Variants in BCO1 observed in about 807,000 individuals in gnomAD.
The protein encoded by BCO1 is beta,beta-carotene 15,15'-dioxygenase.
In BCO1, 54 loss-of-function variants were observed where a neutral mutation model predicts 56.3. The ratio of observed to expected loss-of-function variants is 0.96; its 90% CI spans 0.77 to 1.20. The LOEUF (loss-of-function observed/expected upper bound fraction) is 1.20. BCO1 is among the 50% of genes most tolerant of loss of function. BCO1 has a pLI of 0.00. For missense variants in BCO1, 801 were observed against 690.9 expected (o/e 1.16, Z -1.79); for synonymous variants, 318 against 266.1 (o/e 1.20, Z -1.90).
rs754852032 is a variant in BCO1, at chr16:81,268,107, C to G, written c.819C>G (p.Cys273Trp). The change falls in exon 6 of 11, where the codon TGC becomes TGG. Residue 273 changes from cysteine (C) to tryptophan (W), a missense_variant. Cys to Trp is a radical substitution (Grantham distance 215). Coordinates refer to ENST00000258168, the MANE Select transcript of BCO1 (RefSeq NM_017429.3). Reference protein sequence around the residue: ...AYIRRMSWASCLAFHREEKTY... With the variant: ...AYIRRMSWASWLAFHREEKTY... ...TCCGGAGAATGAGCTGGGCCTCCTG[C>G]CTGGCTTTCCACAGGGAGGAGAAGG... 1 of 1,610,250 alleles carries G rather than the reference C, an allele frequency of 6.2e-7. No homozygotes were observed. The highest frequency in any genetic ancestry group is 2.2e-5 in the East Asian group (1 of 44,878).
At chr16:81,249,160 G>A (rs1905626536) in intron 2 of BCO1, among the ~76,000 whole-genome samples, 1 of 148,052 alleles carries the variant, frequency 6.8e-6, no homozygotes, top group Non-Finnish European at 1.5e-5. Flanking sequence ...GCGCAATCTC[G>A]GCTCACTGCA....
At chr16:81,239,518 A>C (rs1425593576) in intron 1 of BCO1, among the ~76,000 whole-genome samples, 1 of 152,194 alleles carries the variant, frequency 6.6e-6, no homozygotes, top group East Asian at 1.9e-4. Flanking sequence ...AAGCATTGGA[A>C]TGCCCCAGTG....
At chr16:81,262,337 G>C in intron 4 of BCO1, 54 bp downstream of exon 4, 1 of 1,578,478 alleles carries the variant, frequency 6.3e-7, no homozygotes, top group Non-Finnish European at 8.7e-7. Flanking sequence ...AGGGAGAGTC[G>C]GCGACGGCCG....
Position 81,254,537 on chromosome 16 carries a change from A to G in BCO1, c.194-5139A>G, listed in dbSNP as rs114460718. Among the ~76,000 whole-genome samples, 1,069 of 151,418 alleles carry G rather than the reference A, an allele frequency of 7.1e-3. 22 individuals carry two copies. The highest frequency in any genetic ancestry group is 0.025 in the African/African-American group (1,024 of 41,210). ...CCTCACCTTTTTATGTGCCAGGACA[A>G]CAAGCCTGAGCCACCACGCCTCCCC... On this transcript the variant is annotated intron_variant, in intron 2 of 10. Coordinates refer to ENST00000258168, the MANE Select transcript of BCO1 (RefSeq NM_017429.3).
chr16:81,284,670 G>C (rs751846369), intron 8 of BCO1, among the ~76,000 whole-genome samples: 12 of 151,924 alleles, frequency 7.9e-5, no homozygotes, highest in Middle Eastern at 3.2e-3. Context: ...TTATTTTAGA[G>C]ATGGGGTTCT....
At chr16:81,268,708 T>C (rs1408261984) in intron 6 of BCO1, among the ~76,000 whole-genome samples, 1 of 152,224 alleles carries the variant, frequency 6.6e-6, no homozygotes, top group Non-Finnish European at 1.5e-5. Context: ...TGCATATGTG[T>C]ATGAATACAT....
chr16:81,247,018 G>A (rs1247459371), intron 2 of BCO1, among the ~76,000 whole-genome samples: 1 of 152,154 alleles, frequency 6.6e-6, no homozygotes, highest in African/African-American at 2.4e-5. Flanking sequence ...CGAATTCTGA[G>A]TTCAGGTGTC....
intron 1 of BCO1, among the ~76,000 whole-genome samples, chr16:81,242,385 G>A (rs532174964): frequency 5.3e-5 from 8 of 151,864 alleles, no homozygotes; most frequent in East Asian, 1.9e-4. Context: ...ATTTTCAGTA[G>A]TGACGGGGTT....
intron 9 of BCO1, among the ~76,000 whole-genome samples, chr16:81,286,168 C>G (rs1035497011): frequency 2.0e-5 from 3 of 152,056 alleles, no homozygotes; most frequent in Admixed American, 1.3e-4. Flanking sequence ...ATTACAGCCT[C>G]GAGCCACCAT....
intron 8 of BCO1, among the ~76,000 whole-genome samples, chr16:81,284,214 CTATA>C (rs376348062): frequency 2.2e-5 from 3 of 137,502 alleles, no homozygotes; most frequent in African/African-American, 5.4e-5. Context: ...AACAAACAAA[CTATA>C]TATATATATA....
intron 8 of BCO1, among the ~76,000 whole-genome samples, chr16:81,283,595 G>A (rs116504177): frequency 5.6e-4 from 85 of 152,172 alleles, no homozygotes; most frequent in African/African-American, 1.9e-3. Context: ...TCTTATCTAA[G>A]TATGGGAGTG....
chr16:81,289,165 A>G (rs1447577918), intron 10 of BCO1, among the ~76,000 whole-genome samples: 3 of 152,244 alleles, frequency 2.0e-5, no homozygotes, highest in Non-Finnish European at 4.4e-5. Context: ...ACGATGCTCA[A>G]CTGCTCTTCC....
intron 8 of BCO1, among the ~76,000 whole-genome samples, chr16:81,283,957 G>T (rs543246713): frequency 6.6e-6 from 1 of 151,870 alleles, no homozygotes; most frequent in African/African-American, 2.4e-5. Context: ...AAGCTGAGAC[G>T]GGCGGATCAT....
Position 81,280,907 on chromosome 16 carries a change from G to A in BCO1, c.1152G>A (p.Thr384=), listed in dbSNP as rs539564199. The A allele has an allele frequency of 1.6e-5, 26 of 1,614,044 alleles. No homozygotes were observed. The African/African-American group carries it at 2.0e-4, about 12-fold the overall frequency. The part of the protein sequence containing the change: ...NLIKVASTTA[T]ALKEEDGQVY... ...TCAAAGTGGCATCTACAACAGCCACGGCCCTGAAGGAAGAAGATGGCCAAG... is the reference window on the plus strand; with the variant it reads ...TCAAAGTGGCATCTACAACAGCCACAGCCCTGAAGGAAGAAGATGGCCAAG... The change falls in exon 8 of 11, where the codon ACG becomes ACA. Residue 384 remains threonine, a synonymous_variant. Transcript: ENST00000258168.
intron 2 of BCO1, among the ~76,000 whole-genome samples, chr16:81,249,027 A>C (rs1424091283): frequency 6.6e-6 from 1 of 151,452 alleles, no homozygotes. Context: ...AAAAAGCACC[A>C]GTGGTTTTCC....
At chr16:81,268,253 C>A in intron 6 of BCO1, 122 bp downstream of exon 6, 1 of 896,942 alleles carries the variant, frequency 1.1e-6, no homozygotes. Context: ...CTACCAGAGG[C>A]ATCTACCCAC....
At chr16:81,284,708 C>G (rs1326255091) in intron 8 of BCO1, among the ~76,000 whole-genome samples, 1 of 152,170 alleles carries the variant, frequency 6.6e-6, no homozygotes, top group Non-Finnish European at 1.5e-5. Context: ...TGGTCTCAAA[C>G]TCCTGGCCTC....
Position 81,287,344 on chromosome 16 carries a change from A to T in BCO1, c.1352A>T (p.Asp451Val). 1 of 1,614,128 alleles carries T rather than the reference A, an allele frequency of 6.2e-7. No individual in the cohort carries two copies. Among genetic ancestry groups the T allele is most frequent in the South Asian group, 1.1e-5 (1 of 91,080 alleles). Residue 451 changes from aspartate to valine, a missense_variant, in exon 10 of 11, where the codon GAC becomes GTC. Physicochemically the swap from Asp to Val is radical, Grantham distance 152. Coordinates refer to ENST00000258168, the MANE Select transcript of BCO1 (RefSeq NM_017429.3). ...LTKSSLKWRE[D>V]DCWPAEPLFV... ...AAGTCATCCTTAAAATGGAGAGAGG[A>T]CGACTGCTGGCCAGCGGAACCCCTG...
intron 2 of BCO1, among the ~76,000 whole-genome samples, chr16:81,252,671 A>G (rs1905881920): frequency 6.6e-6 from 1 of 152,196 alleles, no homozygotes; most frequent in Non-Finnish European, 1.5e-5. Flanking sequence ...CAAAGGGGAG[A>G]TCAGGGTGGC....
Sources: allele counts gnomAD v4.1 joint callset (sites outside exome capture counted in the v4.1 genomes callset), GRCh38; gene constraint gnomAD v4.1.1; transcripts MANE v1.5; gene names NCBI Gene and HGNC (gene_info 2026-07-23, HGNC 2026-07-21).